The following DGKI variants were observed in gnomAD, a reference collection of about 807,000 sequenced individuals.
The protein encoded by DGKI is diacylglycerol kinase iota.
Under a neutral mutation model 147.5 loss-of-function variants are expected in DGKI, and 55 were observed. The ratio of observed to expected loss-of-function variants is 0.37; its 90% CI spans 0.30 to 0.47. DGKI has a LOEUF of 0.47. Among genes scored for constraint, DGKI ranks in the 20% least tolerant of loss-of-function variants. The probability of loss-of-function intolerance (pLI) is 1.00; values close to 1 mark genes in which losing one functional copy is unlikely to be tolerated. For synonymous variants in DGKI, 469 were observed against 477.1 expected, an observed-to-expected ratio of 0.98 and a Z score of 0.22; for missense variants, 1,007 against 1,323.8, an observed-to-expected ratio of 0.76 and a Z score of 3.71.
At chr7:137,691,821 TAAGCCTC>T (rs1563152889) in intron 1 of DGKI, among the ~76,000 whole-genome samples, 17 of 142,034 alleles carry the variant, frequency 1.2e-4, no homozygotes, top group South Asian at 2.2e-4. Context: ...TTTTTTTTTT[TAAGCCTC>T]TTGTATTCCT....
chr7:137,421,973 T>C (rs958960853), intron 28 of DGKI, among the ~76,000 whole-genome samples: 2 of 152,192 alleles, frequency 1.3e-5, no homozygotes, highest in African/African-American at 4.8e-5. Context: ...ACAGATATCT[T>C]CAAATCTCTT....
intron 28 of DGKI, among the ~76,000 whole-genome samples, chr7:137,420,436 T>G (rs1169223758): frequency 6.6e-6 from 1 of 152,184 alleles, no homozygotes; most frequent in African/African-American, 2.4e-5. Flanking sequence ...TGTGATGTGC[T>G]TTGAGTCGGA....
At chr7:137,629,480 C>T (rs1821055041) in intron 6 of DGKI, among the ~76,000 whole-genome samples, 1 of 152,182 alleles carries the variant, frequency 6.6e-6, no homozygotes, top group Non-Finnish European at 1.5e-5. Flanking sequence ...ATAATTGCTT[C>T]CAACCCTCCG....
chr7:137,632,667 G>A (rs1051521251), intron 6 of DGKI, among the ~76,000 whole-genome samples: 1 of 151,626 alleles, frequency 6.6e-6, no homozygotes, highest in Non-Finnish European at 1.5e-5. Context: ...GACCATCCTG[G>A]CCAACATGGT....
At chr7:137,749,193 C>T (rs1795427470) in intron 1 of DGKI, among the ~76,000 whole-genome samples, 2 of 152,234 alleles carry the variant, frequency 1.3e-5, no homozygotes, top group Admixed American at 6.5e-5. Flanking sequence ...GACAGCTCCT[C>T]TGTCCTCCAC....
intron 6 of DGKI, among the ~76,000 whole-genome samples, chr7:137,644,879 T>C (rs1821770519): frequency 6.6e-6 from 1 of 152,168 alleles, no homozygotes; most frequent in African/African-American, 2.4e-5. Context: ...TGGCATTTAA[T>C]AGTATACAAT....
rs1190249740 is a variant in DGKI at position 137,757,393 on chromosome 7, TC to T, written c.402-67392del. Among the ~76,000 whole-genome samples, 9 of 152,206 alleles carry T rather than the reference TC, an allele frequency of 5.9e-5. No individual in the cohort carries two copies. The East Asian group carries it at 1.7e-3, about 29-fold the overall frequency. On this transcript the variant is annotated intron_variant, in intron 1 of 32. Coordinates refer to ENST00000614521, the MANE Select transcript of DGKI (RefSeq NM_001321708.2). ...TCCCAGTTTTCCTACACCCTCTCCT[TC>T]CCAGGCTTCTCATCTTCCCATTTCT...
chr7:137,687,308 G>A (rs567863244), intron 2 of DGKI, among the ~76,000 whole-genome samples: 45 of 152,258 alleles, frequency 3.0e-4, no homozygotes, highest in Non-Finnish European at 4.9e-4. Context: ...AAGAATCAAA[G>A]AGGCTCCAAC....
At chr7:137,455,642 G>A (rs1293720764) in intron 27 of DGKI, among the ~76,000 whole-genome samples, 1 of 111,756 alleles carries the variant, frequency 8.9e-6, no homozygotes, top group African/African-American at 2.9e-5. Context: ...AAAAAAAAGG[G>A]GGGGGGGCGG....
intron 1 of DGKI, among the ~76,000 whole-genome samples, chr7:137,748,358 A>G (rs1795404329): frequency 6.6e-6 from 1 of 152,142 alleles, no homozygotes; most frequent in Non-Finnish European, 1.5e-5. Context: ...TTAAAGAAAA[A>G]AAAAAAAGAA....
intron 7 of DGKI, among the ~76,000 whole-genome samples, chr7:137,621,967 G>A (rs1820764075): frequency 6.6e-6 from 1 of 152,206 alleles, no homozygotes; most frequent in South Asian, 2.1e-4. Context: ...GACCACAAAT[G>A]GAGATATTGC....
chr7:137,841,917 G>A (rs955182012), intron 1 of DGKI, among the ~76,000 whole-genome samples: 1 of 152,114 alleles, frequency 6.6e-6, no homozygotes, highest in Non-Finnish European at 1.5e-5. Flanking sequence ...GATTCCACAG[G>A]ACCCAATAGT....
intron 1 of DGKI, among the ~76,000 whole-genome samples, chr7:137,768,995 A>T (rs140086788): frequency 6.6e-6 from 1 of 152,228 alleles, no homozygotes. Context: ...ACCAGTCACT[A>T]TAAGAGATTT....
intron 6 of DGKI, among the ~76,000 whole-genome samples, chr7:137,637,742 C>T (rs142162312): frequency 2.2e-4 from 34 of 152,338 alleles, no homozygotes; most frequent in African/African-American, 7.9e-4. Context: ...ACTGGCTTTG[C>T]TCATCACTGT....
chr7:137,806,010 A>G (rs1484826349), intron 1 of DGKI, among the ~76,000 whole-genome samples: 1 of 152,196 alleles, frequency 6.6e-6, no homozygotes, highest in African/African-American at 2.4e-5. Flanking sequence ...GCAAGGGGAC[A>G]GGGTATTTTA....
intron 30 of DGKI, among the ~76,000 whole-genome samples, chr7:137,402,883 T>C (rs1811813114): frequency 1.3e-5 from 2 of 151,918 alleles, no homozygotes; most frequent in Admixed American, 6.5e-5. Context: ...AAAGAAAGAC[T>C]GAAGACAGAA....
chr7:137,468,141 A>T (rs961242947), intron 24 of DGKI, among the ~76,000 whole-genome samples: 3 of 152,182 alleles, frequency 2.0e-5, no homozygotes, highest in African/African-American at 7.2e-5. Context: ...AAATTCACAA[A>T]CATTTAATGA....
rs547740985 is a variant in DGKI, at chr7:137,791,184, T to C, written c.401+55278A>G. Among the ~76,000 whole-genome samples the C allele has an allele frequency of 1.4e-4, 21 of 152,312 alleles. No individual in the cohort carries two copies. In the South Asian group the frequency reaches 3.9e-3, roughly 29 times the overall value. Reference sequence around the variant, plus strand: ...TGTCTACCTCTCCTGTTTTTCTCTCTTTCCTTCTTATCCACTCTATTTCTC... The same window carrying C: ...TGTCTACCTCTCCTGTTTTTCTCTCCTTCCTTCTTATCCACTCTATTTCTC... On this transcript the variant is annotated intron_variant, in intron 1 of 32. Coordinates refer to ENST00000614521, the MANE Select transcript of DGKI (RefSeq NM_001321708.2).
At chr7:137,844,619 T>C (rs926661007) in intron 1 of DGKI, among the ~76,000 whole-genome samples, 1 of 152,176 alleles carries the variant, frequency 6.6e-6, no homozygotes, top group Non-Finnish European at 1.5e-5. Flanking sequence ...GCAGACGCAA[T>C]GTTATTATTC....
Sources: allele counts gnomAD v4.1 joint callset (sites outside exome capture counted in the v4.1 genomes callset), GRCh38; gene constraint gnomAD v4.1.1; transcripts MANE v1.5; gene names NCBI Gene and HGNC (gene_info 2026-07-23, HGNC 2026-07-21).